ADCY1: variants seen among roughly 807,000 people sequenced by gnomAD.
ADCY1 encodes the protein adenylate cyclase 1.
A neutral mutation model predicts 105.4 loss-of-function variants in ADCY1; 28 were observed. The observed-to-expected ratio is 0.27, with a 90% CI of 0.20 to 0.36. The LOEUF is 0.36. Among genes scored for constraint, ADCY1 ranks in the 10% least tolerant of loss-of-function variants. The probability of loss-of-function intolerance (pLI) is 1.00; values close to 1 mark genes in which losing one functional copy is unlikely to be tolerated. For missense variants in ADCY1, 977 were observed against 1,434.2 expected (o/e 0.68, Z 5.15); for synonymous variants, 655 against 623.8 (o/e 1.05, Z -0.75).
intron 4 of ADCY1, among the ~76,000 whole-genome samples, chr7:45,634,061 A>C (rs142025403): frequency 6.6e-6 from 1 of 152,098 alleles, no homozygotes; most frequent in Non-Finnish European, 1.5e-5. Context: ...TCAAGGGCCA[A>C]CTGTACAATT....
rs976119574 is a variant in ADCY1, at chr7:45,677,804, A to C, written c.1606-65A>C. On this transcript the variant is annotated intron_variant, in intron 8 of 19. Transcript: ENST00000297323. ...CAGCGGATCTGGCTGGAGGGAGAGT[A>C]CAGGTGCTTTTCTTCAATAAGTGGA... The C allele has an allele frequency of 1.3e-5, 20 of 1,535,246 alleles. No individual in the cohort carries two copies. In the Admixed American group the frequency reaches 3.7e-4, roughly 28 times the overall value.
chr7:45,684,016 C>T (rs1229405155), intron 11 of ADCY1, among the ~76,000 whole-genome samples: 4 of 152,226 alleles, frequency 2.6e-5, no homozygotes, highest in East Asian at 1.9e-4. Flanking sequence ...CTTGCACCTG[C>T]GTCTTGCCCA....
intron 8 of ADCY1, among the ~76,000 whole-genome samples, chr7:45,665,703 C>T (rs542401386): frequency 8.5e-5 from 13 of 152,324 alleles, no homozygotes; most frequent in African/African-American, 2.9e-4. Flanking sequence ...ATCATTTTGT[C>T]TTCCACACCT....
chr7:45,650,155 T>G (rs1794770462), intron 5 of ADCY1, among the ~76,000 whole-genome samples: 1 of 152,214 alleles, frequency 6.6e-6, no homozygotes, highest in Admixed American at 6.5e-5. Flanking sequence ...CATGTATCAC[T>G]TGTATATCAT....
intron 4 of ADCY1, among the ~76,000 whole-genome samples, chr7:45,641,479 C>T (rs778466082): frequency 2.0e-4 from 31 of 152,170 alleles, no homozygotes; most frequent in Non-Finnish European, 3.7e-4. Context: ...AAATCCTAGA[C>T]ATCATCTCGC....
chr7:45,623,066 T>C (rs1219143696), intron 4 of ADCY1, among the ~76,000 whole-genome samples: 1 of 152,222 alleles, frequency 6.6e-6, no homozygotes, highest in Non-Finnish European at 1.5e-5. Flanking sequence ...CCTGCTGCCA[T>C]TGTGTCCCAC....
intron 3 of ADCY1, among the ~76,000 whole-genome samples, chr7:45,613,023 C>T (rs969021968): frequency 4.6e-5 from 7 of 152,146 alleles, no homozygotes; most frequent in African/African-American, 1.7e-4. Context: ...CCTGCTTTGT[C>T]TAAATCTCAG....
chr7:45,654,212 T>G (rs10807928), intron 5 of ADCY1, among the ~76,000 whole-genome samples: 59,780 of 151,982 alleles, frequency 0.39, 11,953 homozygotes, highest in African/African-American at 0.45. Context: ...ATGTGGATTT[T>G]TCTGTCCACT....
At chr7:45,632,761 G>C (rs903038410) in intron 4 of ADCY1, among the ~76,000 whole-genome samples, 6 of 151,598 alleles carry the variant, frequency 4.0e-5, no homozygotes, top group Non-Finnish European at 1.5e-5. Context: ...GTAGAGACAG[G>C]GTCTCACCAT....
chr7:45,668,635 C>T (rs578203135), intron 8 of ADCY1, among the ~76,000 whole-genome samples: 10 of 152,308 alleles, frequency 6.6e-5, no homozygotes, highest in Admixed American at 6.5e-4. Context: ...CAGGATGATG[C>T]TGGCCTCATA....
chr7:45,599,633 T>G (rs955913497), intron 2 of ADCY1, among the ~76,000 whole-genome samples: 23 of 103,872 alleles, frequency 2.2e-4, no homozygotes, highest in Non-Finnish European at 4.1e-4. Context: ...GCCATATCTG[T>G]TTTTTTTTTT....
chr7:45,686,805 A>T lies in ADCY1; in HGVS notation c.2454+132A>T. The stretch of plus-strand genomic sequence containing the variant: ...CCCTCGGAGGGCCCTCCTCAGCAGC[A>T]TGCAAGCCAGGCACTGTCCGGGGAT... On this transcript the variant is annotated intron_variant, in intron 14 of 19. Coordinates refer to ENST00000297323, the MANE Select transcript of ADCY1 (RefSeq NM_021116.4). The surrounding 1 kb of genome is among the most constrained non-coding windows in gnomAD (Gnocchi z 4.3). 7.5e-7 allele frequency: 1 copy of T among 1,339,954 alleles called. No individual in the cohort carries two copies. The highest frequency in any genetic ancestry group is 2.8e-5 in the Admixed American group (1 of 35,112). 83.0% of individuals were successfully genotyped at this position (1,339,954 alleles called of 1,614,324 possible).
At chr7:45,611,608 A>C (rs184207953) in intron 3 of ADCY1, among the ~76,000 whole-genome samples, 43 of 149,850 alleles carry the variant, frequency 2.9e-4, no homozygotes, top group Non-Finnish European at 5.5e-4. Context: ...AAGTGAACCA[A>C]CTTGCTTTAG....
chr7:45,587,906 G>A (rs1415580004), intron 1 of ADCY1, among the ~76,000 whole-genome samples: 8 of 152,144 alleles, frequency 5.3e-5, no homozygotes, highest in African/African-American at 7.2e-5. Context: ...TTTCTCCTCC[G>A]TAAAGGTTTT....
At chr7:45,664,620 A>C (rs1795221324) in intron 8 of ADCY1, 1 of 814,022 alleles carries the variant, frequency 1.2e-6, no homozygotes, top group African/African-American at 1.7e-5. Flanking sequence ...TGTTCCTTCC[A>C]GTTTCTTAAG....
chr7:45,600,454 C>A (rs954592049), intron 2 of ADCY1, among the ~76,000 whole-genome samples: 3 of 152,236 alleles, frequency 2.0e-5, no homozygotes, highest in Admixed American at 6.5e-5. Flanking sequence ...CTGAGGAAGA[C>A]AGAGCTGAGA....
rs1252389675 is a variant in ADCY1, at chr7:45,622,623, C to CT, written c.909-8dup. ...GAGAAGGGCAGCCTGGCACCCCTTTCTCTTGCAGCATCCTGTTTGCTGACA... is the reference window on the plus strand; with the variant it reads ...GAGAAGGGCAGCCTGGCACCCCTTTCTTCTTGCAGCATCCTGTTTGCTGACA... On this transcript the variant is annotated splice_polypyrimidine_tract_variant and intron_variant, in intron 3 of 19. Coordinates refer to ENST00000297323, the MANE Select transcript of ADCY1 (RefSeq NM_021116.4). 2 of 1,611,744 alleles carry CT rather than the reference C, an allele frequency of 1.2e-6. No individual in the cohort carries two copies. The highest frequency in any genetic ancestry group is 1.3e-5 in the African/African-American group (1 of 74,864).
In ADCY1 at chr7:45,574,683, C is replaced by A. The variant is rs1022292664; in HGVS notation, c.140C>A (p.Ala47Glu). 7.2e-7 allele frequency: 1 copy of A among 1,390,196 alleles called. No individual in the cohort carries two copies. 86.1% of individuals were successfully genotyped at this position (1,390,196 alleles called of 1,614,324 possible). The change falls in exon 1 of 20, where the codon GCG becomes GAG. Residue 47 changes from alanine to glutamate, a missense_variant. Physicochemically the swap from Ala to Glu is moderately radical, Grantham distance 107. Transcript: ENST00000297323. This position sits in a 1 kb window ranked among gnomAD's most constrained non-coding sequence, Gnocchi z 7.0. ...GAGTTCGCTTGCCCAGAGCTGGAGG[C>A]GCTGTTCCGCGGCTACACGCTGCGG... ...DEEFACPELE[A>E]LFRGYTLRLE...
intron 3 of ADCY1, among the ~76,000 whole-genome samples, chr7:45,610,760 A>AGGAGGTGATGGTGGATATGGG (rs1793525963): frequency 8.5e-4 from 2 of 2,360 alleles, no homozygotes; most frequent in South Asian, 0.016. Context: ...ATGGAGGTGT[A>AGGAGGTGATGGTGGATATGGG]GAGGTGATAG....
Sources: gnomAD v4.1 joint callset for allele counts (sites outside exome capture counted in the v4.1 genomes callset) on GRCh38, gnomAD v4.1.1 for gene constraint, Gnocchi (gnomAD v3.1) non-coding constraint, MANE v1.5 for transcripts, NCBI Gene and HGNC (gene_info 2026-07-23, HGNC 2026-07-21) for gene names.